KNL1: variants seen among roughly 807,000 people sequenced by gnomAD.
The protein encoded by KNL1 is outer kinetochore KNL1 complex subunit KNL1.
KNL1 carries 66 observed loss-of-function variants against 201.3 expected under a neutral mutation model. That is an observed-to-expected ratio of 0.33 (90% CI 0.27 to 0.40). The LOEUF (loss-of-function observed/expected upper bound fraction) is 0.40. Among genes scored for constraint, KNL1 ranks in the 10% least tolerant of loss-of-function variants. The pLI, the probability that KNL1 is intolerant of heterozygous loss-of-function variation, is 1.00. For missense variants in KNL1, 2,815 were observed against 2,690.5 expected (o/e 1.05, Z -1.02); for synonymous variants, 895 against 899.2 (o/e 1.00, Z 0.08).
intron 3 of KNL1, 28 bp from the exon 4 acceptor site, chr15:40,606,365 T>G: frequency 7.1e-7 from 1 of 1,406,806 alleles, no homozygotes; most frequent in Non-Finnish European, 1.0e-6. Flanking sequence ...GCCAGATTTT[T>G]TTTGAATAAT....
intron 7 of KNL1, among the ~76,000 whole-genome samples, chr15:40,612,893 G>A (rs774279554): frequency 2.6e-5 from 4 of 152,114 alleles, no homozygotes; most frequent in Non-Finnish European, 5.9e-5. Context: ...AGTATAATTT[G>A]TAGAAGGCAA....
chr15:40,608,388 C>T (rs1333392190), intron 4 of KNL1, among the ~76,000 whole-genome samples: 3 of 141,166 alleles, frequency 2.1e-5, no homozygotes, highest in East Asian at 2.1e-4. Flanking sequence ...GAACTGAGAT[C>T]GAGTTACTGT....
At chr15:40,633,738 G>T (rs4923880) in intron 13 of KNL1, among the ~76,000 whole-genome samples, 1 of 151,744 alleles carries the variant, frequency 6.6e-6, no homozygotes, top group East Asian at 1.9e-4. Context: ...ATGGGGTCTC[G>T]GTATGTTGAC....
chr15:40,612,801 G>A (rs1053709399), intron 7 of KNL1, among the ~76,000 whole-genome samples: 4 of 152,164 alleles, frequency 2.6e-5, no homozygotes, highest in African/African-American at 7.2e-5. Flanking sequence ...ACAGGCGTGA[G>A]CCACTGTGCC....
At chr15:40,647,433 C>T (rs909659950) in intron 17 of KNL1, among the ~76,000 whole-genome samples, 6 of 151,992 alleles carry the variant, frequency 3.9e-5, no homozygotes. Context: ...AAGATTGCGC[C>T]ACTGCACTCC....
Position 40,660,295 on chromosome 15 carries a change from A to T in KNL1, c.6836+834A>T, listed in dbSNP as rs545587855. ...CCTGCTTCACTTTTTGAATACTCCA[A>T]CCTAAAACATGAATCAAGAAGGAAA... On this transcript the variant is annotated intron_variant, in intron 25 of 25. Coordinates refer to ENST00000399668, the MANE Select transcript of KNL1 (RefSeq NM_144508.5). Among the ~76,000 whole-genome samples, 13 of 152,230 alleles carry T rather than the reference A, an allele frequency of 8.5e-5. No homozygotes were observed. In the South Asian group the frequency reaches 2.7e-3, roughly 32 times the overall value.
In KNL1 at chr15:40,621,921, A is replaced by T; in HGVS notation, c.1657A>T (p.Asn553Tyr). The T allele has an allele frequency of 6.2e-7, 1 of 1,613,632 alleles. No homozygotes were observed. The change falls in exon 10 of 26, where the codon AAT becomes TAT. Residue 553 changes from asparagine to tyrosine, a missense_variant. This residue lies in a region of KNL1 where 2,464 missense variants were observed against 2,291.7 expected (regional missense o/e 1.08). Coordinates refer to ENST00000399668, the MANE Select transcript of KNL1 (RefSeq NM_144508.5). ...GGAAAGAATACAGCAGAGCCTGTCA[A>T]ATCCTTTGTCTATTTCATTGACTGA... ...SKERIQQSLS[N>Y]PLSISLTDRK...
intron 7 of KNL1, among the ~76,000 whole-genome samples, chr15:40,612,315 C>T (rs990734522): frequency 2.0e-5 from 3 of 150,152 alleles, no homozygotes; most frequent in African/African-American, 4.9e-5. Flanking sequence ...GACTCCGTCT[C>T]AAAAAAACAA....
intron 13 of KNL1, among the ~76,000 whole-genome samples, chr15:40,636,223 G>A (rs370954195): frequency 4.6e-5 from 7 of 152,230 alleles, no homozygotes; most frequent in African/African-American, 1.4e-4. Flanking sequence ...CTTAATCATA[G>A]TAAGTCCAGG....
chr15:40,647,673 G>A (rs1893435244), intron 17 of KNL1, among the ~76,000 whole-genome samples: 1 of 152,022 alleles, frequency 6.6e-6, no homozygotes, highest in Non-Finnish European at 1.5e-5. Context: ...ACTTTTTAGA[G>A]TTACTCTCCT....
chr15:40,658,373 C>T (rs917322260), intron 24 of KNL1, among the ~76,000 whole-genome samples: 1 of 150,372 alleles, frequency 6.7e-6, no homozygotes, highest in Non-Finnish European at 1.5e-5. Context: ...ACTAAAAATA[C>T]AAAAAATTAG....
chr15:40,626,917 T>C (rs1185227046), intron 10 of KNL1, among the ~76,000 whole-genome samples: 1 of 143,326 alleles, frequency 7.0e-6, no homozygotes, highest in Non-Finnish European at 1.5e-5. Flanking sequence ...TGTTTTGAGA[T>C]TAAGTCTTGC....
At chr15:40,653,215 G>A (rs1445042049) in intron 21 of KNL1, among the ~76,000 whole-genome samples, 5 of 151,886 alleles carry the variant, frequency 3.3e-5, no homozygotes, top group Non-Finnish European at 7.4e-5. Context: ...TTTTGAGACA[G>A]TCTCACTCTT....
rs763866856 is a variant in KNL1, at chr15:40,624,007, A to T, written c.3743A>T (p.His1248Leu). 1.9e-5 allele frequency: 31 copies of T among 1,613,984 alleles called. No homozygotes were observed. Among genetic ancestry groups the T allele is most frequent in the Non-Finnish European group, 2.5e-5 (30 of 1,179,932 alleles). ...ACTACTAATGAAATCATCAAATTTC[A>T]TAGTGCTGCTATGGATGAAAAGGTC... ...NRTTNEIIKFHSAAMDEKVIG... is the reference protein window; with the variant it reads ...NRTTNEIIKFLSAAMDEKVIG... Residue 1248 changes from histidine to leucine, a missense_variant, in exon 10 of 26, where the codon CAT (histidine) becomes CTT (leucine). This residue lies in a region of KNL1 where 2,464 missense variants were observed against 2,291.7 expected (regional missense o/e 1.08). Transcript: ENST00000399668.
intron 25 of KNL1, among the ~76,000 whole-genome samples, chr15:40,659,932 G>GTGTGTGTGTGTGTGT (rs1555423685): frequency 1.4e-5 from 2 of 147,242 alleles, no homozygotes; most frequent in African/African-American, 5.1e-5. Context: ...GTGTGTTTGA[G>GTGTGTGTGTGTGTGT]ATGGAGTCTC....
At chr15:40,607,019 C>CAA (rs1414589753) in intron 4 of KNL1, among the ~76,000 whole-genome samples, 1 of 152,218 alleles carries the variant, frequency 6.6e-6, no homozygotes, top group African/African-American at 2.4e-5. Context: ...CTTGGTCTTC[C>CAA]AAAGTGCTGG....
intron 17 of KNL1, among the ~76,000 whole-genome samples, chr15:40,647,430 C>T (rs745878215): frequency 3.3e-5 from 5 of 151,932 alleles, no homozygotes; most frequent in Non-Finnish European, 5.9e-5. Flanking sequence ...GCCAAGATTG[C>T]GCCACTGCAC....
Position 40,623,232 on chromosome 15 carries a change from T to G in KNL1, c.2968T>G (p.Cys990Gly). 8 of 1,613,930 alleles carry G rather than the reference T, an allele frequency of 5.0e-6. No individual in the cohort carries two copies. Among genetic ancestry groups the G allele is most frequent in the Non-Finnish European group, 6.8e-6 (8 of 1,179,866 alleles). ...RKSLGTPTVI[C>G]TPTEESVFFP... ...AAGCCTAGGAACACCAACAGTGATA[T>G]GTACTCCTACTGAGGAGAGTGTTTT... The change falls in exon 10 of 26, where the codon TGT becomes GGT. Residue 990 changes from cysteine to glycine, a missense_variant. By Grantham distance (159) the Cys-to-Gly change is radical. This residue lies in a region of KNL1 where 2,464 missense variants were observed against 2,291.7 expected (regional missense o/e 1.08). Coordinates refer to ENST00000399668, the MANE Select transcript of KNL1 (RefSeq NM_144508.5).
In KNL1 at chr15:40,625,011, C is replaced by T. The variant is rs1341267112; in HGVS notation, c.4747C>T (p.Pro1583Ser). ...TCAAACTGTTCATCTACCACCCCTT[C>T]CAGAGCAATTACTTGAATTAGGAAA... ...AFQTVHLPPLPEQLLELGNKA... is the reference protein window; with the variant it reads ...AFQTVHLPPLSEQLLELGNKA... Residue 1583 changes from proline (P) to serine (S), a missense_variant, in exon 10 of 26, where the codon CCA becomes TCA. By Grantham distance (74) the Pro-to-Ser change is moderately conservative. Coordinates refer to ENST00000399668, the MANE Select transcript of KNL1 (RefSeq NM_144508.5). 6.2e-7 allele frequency: 1 copy of T among 1,613,916 alleles called. No individual in the cohort carries two copies. The highest frequency in any genetic ancestry group is 1.3e-5 in the African/African-American group (1 of 75,032).
Sources: allele counts gnomAD v4.1 joint callset (sites outside exome capture counted in the v4.1 genomes callset), GRCh38; gene constraint gnomAD v4.1.1; regional missense constraint gnomAD v4.1.1; transcripts MANE v1.5; gene names NCBI Gene and HGNC (gene_info 2026-07-23, HGNC 2026-07-21).